Variants in DSCAM observed in about 807,000 individuals in gnomAD.
The protein encoded by DSCAM is cell adhesion molecule DSCAM.
Under a neutral mutation model 217.7 loss-of-function variants are expected in DSCAM, and 47 were observed. The observed-to-expected ratio is 0.22, with a 90% CI of 0.17 to 0.28. The LOEUF (loss-of-function observed/expected upper bound fraction) is 0.28. Ranked by LOEUF, DSCAM falls within the 10% of genes least tolerant of loss-of-function variation. The pLI is 1.00. For missense variants in DSCAM, 2,080 were observed against 2,618.3 expected (o/e 0.79, Z 4.49); for synonymous variants, 1,056 against 1,015.3 (o/e 1.04, Z -0.76).
chr21:40,380,839 G>A (rs944993696), intron 3 of DSCAM, among the ~76,000 whole-genome samples: 5 of 151,924 alleles, frequency 3.3e-5, no homozygotes, highest in South Asian at 4.1e-4. Context: ...CGAGGCGGGC[G>A]GATCACAAGG....
chr21:40,826,722 G>A (rs1489856821), intron 1 of DSCAM, among the ~76,000 whole-genome samples: 1 of 152,210 alleles, frequency 6.6e-6, no homozygotes, highest in Non-Finnish European at 1.5e-5. Flanking sequence ...AGGGACGAGC[G>A]ATGCTCAGTT....
intron 32 of DSCAM, among the ~76,000 whole-genome samples, chr21:40,030,207 G>C (rs1426037216): frequency 1.3e-5 from 2 of 152,176 alleles, no homozygotes; most frequent in Admixed American, 1.3e-4. Flanking sequence ...CAGCCTCCCT[G>C]CTCCTCTGTC....
chr21:40,723,710 A>G (rs2090926477), intron 1 of DSCAM, among the ~76,000 whole-genome samples: 1 of 152,212 alleles, frequency 6.6e-6, no homozygotes, highest in African/African-American at 2.4e-5. Context: ...AACAATCTGT[A>G]TTTTATATAC....
rs1342572720 is a variant in DSCAM at position 40,339,409 on chromosome 21, G to A, written c.1217C>T (p.Thr406Ile). 6.3e-7 allele frequency: 1 copy of A among 1,598,810 alleles called. No individual in the cohort carries two copies. Among genetic ancestry groups the A allele is most frequent in the Non-Finnish European group, 8.5e-7 (1 of 1,171,972 alleles). Reference sequence around the variant, plus strand: ...ACTAAAGGCAGAAATAATTTTGGGAGTTCCATCTGCAGGAAAACAAATTAT... The same window carrying A: ...ACTAAAGGCAGAAATAATTTTGGGAATTCCATCTGCAGGAAAACAAATTAT... ...DYVQVVLEDGTPKIISAFSEK... is the reference protein window; with the variant it reads ...DYVQVVLEDGIPKIISAFSEK... The change falls in exon 7 of 33, where the codon ACT (threonine) becomes ATT (isoleucine). Residue 406 changes from threonine (T) to isoleucine (I), a missense_variant. Around this residue, in one of 5 missense-constraint regions of DSCAM, gnomAD observed 568 missense variants for 678.1 expected, o/e 0.84. Coordinates refer to ENST00000400454, the MANE Select transcript of DSCAM (RefSeq NM_001389.5).
chr21:40,764,308 A>C (rs1444445478), intron 1 of DSCAM, among the ~76,000 whole-genome samples: 1 of 148,384 alleles, frequency 6.7e-6, no homozygotes, highest in Non-Finnish European at 1.5e-5. Flanking sequence ...ACTTCTCAAA[A>C]GAAGATATTT....
chr21:40,240,846 A>G (rs1249929669), intron 11 of DSCAM, among the ~76,000 whole-genome samples: 1 of 152,208 alleles, frequency 6.6e-6, no homozygotes, highest in Non-Finnish European at 1.5e-5. Flanking sequence ...TCTTGGGTGC[A>G]GAGATCCTGA....
At position 40,505,640 on chromosome 21, in the gene DSCAM, A is replaced by T. The variant is rs73902651; in HGVS notation, c.509-136395T>A. Among the ~76,000 whole-genome samples the T allele has an allele frequency of 6.2e-3, 941 of 152,298 alleles. 10 individuals are homozygous for T. The highest frequency in any genetic ancestry group is 0.02 in the African/African-American group (816 of 41,578). ...TGCCTTAATTTTCCCACCTGTTTACAGGGACTCTTACTAAGAGAACAGGCT... is the reference window on the plus strand; with the variant it reads ...TGCCTTAATTTTCCCACCTGTTTACTGGGACTCTTACTAAGAGAACAGGCT... On this transcript the variant is annotated intron_variant, in intron 3 of 32. Transcript: ENST00000400454.
At chr21:40,316,180 T>C (rs1258160073) in intron 8 of DSCAM, among the ~76,000 whole-genome samples, 1 of 152,204 alleles carries the variant, frequency 6.6e-6, no homozygotes, top group Non-Finnish European at 1.5e-5. Flanking sequence ...AGTTTAGTCA[T>C]AAGGAAAAGC....
chr21:40,664,622 T>C (rs1049031499), intron 3 of DSCAM, among the ~76,000 whole-genome samples: 2 of 152,208 alleles, frequency 1.3e-5, no homozygotes, highest in South Asian at 2.1e-4. Context: ...TTAGGGAAAT[T>C]TGGCCAGACT....
At chr21:40,644,761 T>C (rs547934064) in intron 3 of DSCAM, among the ~76,000 whole-genome samples, 1 of 152,354 alleles carries the variant, frequency 6.6e-6, no homozygotes, top group South Asian at 2.1e-4. Flanking sequence ...CTTCGTTCAT[T>C]GCTTCATTCC....
chr21:40,477,851 ACTTGT>A (rs2075950338), intron 3 of DSCAM, among the ~76,000 whole-genome samples: 1 of 152,178 alleles, frequency 6.6e-6, no homozygotes, highest in Non-Finnish European at 1.5e-5. Context: ...TTTTTAAAAA[ACTTGT>A]CAGTAAAGTG....
At chr21:40,112,954 C>A (rs934344791) in intron 20 of DSCAM, among the ~76,000 whole-genome samples, 1 of 152,068 alleles carries the variant, frequency 6.6e-6, no homozygotes, top group Admixed American at 6.5e-5. Context: ...AGTCCAGGAC[C>A]AGATGGATTC....
chr21:40,811,202 CAGAGTCAAGGAGCAAGAA>C (rs1249765599), intron 1 of DSCAM, among the ~76,000 whole-genome samples: 1 of 152,152 alleles, frequency 6.6e-6, no homozygotes, highest in African/African-American at 2.4e-5. Context: ...CTACAGCGTG[CAGAGTCAAGGAGCAAGAA>C]ACAGAGCCTC....
intron 21 of DSCAM, among the ~76,000 whole-genome samples, chr21:40,091,268 C>T (rs183112964): frequency 6.6e-6 from 1 of 152,294 alleles, no homozygotes. Flanking sequence ...AAACCCTACA[C>T]CATCTCCTTA....
At chr21:40,609,523 C>T (rs750140170) in intron 3 of DSCAM, among the ~76,000 whole-genome samples, 4 of 152,132 alleles carry the variant, frequency 2.6e-5, no homozygotes, top group Non-Finnish European at 5.9e-5. Context: ...TGATTTGTAG[C>T]AAGGACGGCA....
chr21:40,277,083 G>A (rs1379344988), intron 10 of DSCAM, among the ~76,000 whole-genome samples: 3 of 152,136 alleles, frequency 2.0e-5, no homozygotes, highest in Non-Finnish European at 4.4e-5. Flanking sequence ...CTGGCCTGGA[G>A]GAGTTGGGTG....
At chr21:40,342,648 A>ATATATATATATATATATT (rs61637421) in intron 6 of DSCAM, among the ~76,000 whole-genome samples, 8 of 80,312 alleles carry the variant, frequency 1.0e-4, no homozygotes, top group African/African-American at 3.1e-4. Flanking sequence ...ATATATATAT[A>ATATATATATATATATATT]TTTTTTTTTT....
intron 1 of DSCAM, among the ~76,000 whole-genome samples, chr21:40,777,678 A>T (rs768676064): frequency 3.3e-5 from 5 of 152,226 alleles, no homozygotes; most frequent in Admixed American, 2.0e-4. Flanking sequence ...GAATGAGAAG[A>T]CTAAATAGAT....
chr21:40,596,350 G>T (rs2077021265), intron 3 of DSCAM, among the ~76,000 whole-genome samples: 1 of 152,182 alleles, frequency 6.6e-6, no homozygotes, highest in African/African-American at 2.4e-5. Flanking sequence ...TAATTTTAAA[G>T]CATATTAGAG....
Sources: allele counts gnomAD v4.1 joint callset (sites outside exome capture counted in the v4.1 genomes callset), GRCh38; gene constraint gnomAD v4.1.1; regional missense constraint gnomAD v4.1.1; transcripts MANE v1.5; gene names NCBI Gene and HGNC (gene_info 2026-07-23, HGNC 2026-07-21).